TGFBR3: variants seen among roughly 807,000 people sequenced by gnomAD.
TGFBR3 encodes transforming growth factor beta receptor type 3.
A neutral mutation model predicts 87.9 loss-of-function variants in TGFBR3; 46 were observed. The observed-to-expected ratio is 0.52, with a 90% CI of 0.41 to 0.67. The LOEUF (loss-of-function observed/expected upper bound fraction) is 0.67, where lower values mean the gene tolerates loss of function less well. Among genes scored for constraint, TGFBR3 ranks in the 30% least tolerant of loss-of-function variants. The pLI is 0.00. For missense variants in TGFBR3, 866 were observed against 1,041.9 expected, an observed-to-expected ratio of 0.83 and a Z score of 2.32; for synonymous variants, 381 against 391.6, an observed-to-expected ratio of 0.97 and a Z score of 0.32.
At position 91,716,734 on chromosome 1, in the gene TGFBR3, A is replaced by G. The variant is rs183957831; in HGVS notation, c.1567-26T>C. The stretch of plus-strand genomic sequence containing the variant: ...CTAAAAGGCAAAGAAAGCACAGCCA[A>G]TGTTATAAAAACACCAAACCATGTG... On this transcript the variant is annotated intron_variant, in intron 10 of 16. Transcript: ENST00000212355. 596 of 1,614,060 alleles carry G rather than the reference A, an allele frequency of 3.7e-4. No individual in the cohort carries two copies. In the African/African-American group the frequency reaches 7.4e-3, roughly 20 times the overall value.
intron 2 of TGFBR3, among the ~76,000 whole-genome samples, chr1:91,802,708 C>T (rs933302985): frequency 6.6e-6 from 1 of 152,136 alleles, no homozygotes; most frequent in African/African-American, 2.4e-5. Context: ...ACAGCTCCTT[C>T]ACCATCTACT....
At chr1:91,881,832 G>A (rs1033632631) in intron 1 of TGFBR3, among the ~76,000 whole-genome samples, 8 of 152,050 alleles carry the variant, frequency 5.3e-5, no homozygotes, top group Non-Finnish European at 1.0e-4. Flanking sequence ...GAGGTCAGGA[G>A]ATCAAGACCA....
intron 7 of TGFBR3, among the ~76,000 whole-genome samples, chr1:91,723,284 C>T (rs749681845): frequency 1.3e-5 from 2 of 151,684 alleles, no homozygotes; most frequent in East Asian, 1.9e-4. Context: ...GAGTTTGAGA[C>T]GAGCTTGGGT....
intron 2 of TGFBR3, among the ~76,000 whole-genome samples, chr1:91,804,480 T>A (rs1243452647): frequency 6.6e-6 from 1 of 152,104 alleles, no homozygotes; most frequent in Non-Finnish European, 1.5e-5. Flanking sequence ...CTGTCTCCCA[T>A]CCTTCCCCCT....
chr1:91,727,098 G>A (rs1205371777), intron 7 of TGFBR3, among the ~76,000 whole-genome samples: 7 of 152,170 alleles, frequency 4.6e-5, no homozygotes, highest in African/African-American at 9.7e-5. Context: ...CACTGACTTC[G>A]CACTTACTGT....
Position 91,727,685 on chromosome 1 carries a change from C to T in TGFBR3, c.859G>A (p.Asp287Asn), listed in dbSNP as rs1274439895. ...ATAATTTTCAGGCTTCCCTTAACAT[C>T]AAAAGATTTGATCACCCAGTTGACA... The part of the protein sequence containing the change: ...KSVNWVIKSF[D>N]VKGSLKIIAP... The change falls in exon 7 of 17, where the codon GAT becomes AAT. Residue 287 changes from aspartate to asparagine, a missense_variant. Physicochemically the swap from Asp to Asn is conservative, Grantham distance 23. Transcript: ENST00000212355. 1.9e-6 allele frequency: 3 copies of T among 1,614,112 alleles called. No individual in the cohort carries two copies. In the East Asian group the frequency reaches 6.7e-5, roughly 36 times the overall value.
chr1:91,861,676 T>G (rs770374758), intron 1 of TGFBR3, 32 bp from the exon 2 acceptor site: 1 of 697,234 alleles, frequency 1.4e-6, no homozygotes. Context: ...GAAAACTTAA[T>G]GAAGAAACTT....
chr1:91,837,224 A>G (rs1167846906), intron 2 of TGFBR3, among the ~76,000 whole-genome samples: 1 of 69,704 alleles, frequency 1.4e-5, no homozygotes, highest in East Asian at 3.3e-4. Flanking sequence ...TAAGGATATT[A>G]TTTATTTATT....
At chr1:91,812,028 A>C (rs992281784) in intron 2 of TGFBR3, among the ~76,000 whole-genome samples, 5 of 152,100 alleles carry the variant, frequency 3.3e-5, no homozygotes, top group African/African-American at 1.2e-4. Flanking sequence ...TTTCCTCCCA[A>C]GCAAACCTTC....
At chr1:91,708,109 G>A (rs1671855735) in intron 14 of TGFBR3, among the ~76,000 whole-genome samples, 1 of 152,224 alleles carries the variant, frequency 6.6e-6, no homozygotes, top group Non-Finnish European at 1.5e-5. Context: ...TGGAGAAAGA[G>A]GCATGCTTGG....
intron 16 of TGFBR3, among the ~76,000 whole-genome samples, chr1:91,686,611 T>A (rs373830947): frequency 1.2e-5 from 1 of 80,042 alleles, no homozygotes. Flanking sequence ...ACAGATTAAG[T>A]TTTTTCACTG....
intron 3 of TGFBR3, among the ~76,000 whole-genome samples, chr1:91,788,625 C>G (rs1675063313): frequency 6.6e-6 from 1 of 152,208 alleles, no homozygotes; most frequent in Admixed American, 6.5e-5. Context: ...TACTCTCAAA[C>G]AGAATGTCAA....
At chr1:91,792,234 T>C (rs1318252791) in intron 3 of TGFBR3, among the ~76,000 whole-genome samples, 1 of 152,196 alleles carries the variant, frequency 6.6e-6, no homozygotes, top group South Asian at 2.1e-4. Context: ...TCTGTATTTC[T>C]GCTTACACTG....
At chr1:91,730,917 C>A (rs1036577226) in intron 5 of TGFBR3, among the ~76,000 whole-genome samples, 2 of 152,214 alleles carry the variant, frequency 1.3e-5, no homozygotes, top group Admixed American at 6.5e-5. Context: ...CACCTCCACC[C>A]GGGAAAGTGA....
At chr1:91,786,364 C>T (rs1340043582) in intron 3 of TGFBR3, 1 of 396,292 alleles carries the variant, frequency 2.5e-6, no homozygotes, top group Admixed American at 3.2e-5. Flanking sequence ...GTTAAGGAGG[C>T]TCCAGGGTAA....
rs1553178236 is a variant in TGFBR3, at chr1:91,902,298, T to TGA, written c.-174-2603_-174-2602dup. Among the ~76,000 whole-genome samples, 178 of 151,456 alleles carry TGA rather than the reference T, an allele frequency of 1.2e-3. 1 individual carries two copies. The highest frequency in any genetic ancestry group is 3.4e-3 in the Middle Eastern group (1 of 294). ...GTGTGTGTGTGTGTGTGTGTGTGTG[T>TGA]GACAGGGTCTCACTCTGTCACTCAG... is the stretch of plus-strand genomic sequence containing the variant. On this transcript the variant is annotated intron_variant, in intron 1 of 17. Coordinates refer to the TGFBR3 transcript ENST00000370399.
chr1:91,719,184 A>T, intron 10 of TGFBR3, 128 bp downstream of exon 10: 1 of 1,248,610 alleles, frequency 8.0e-7, no homozygotes, highest in Non-Finnish European at 1.2e-6. Context: ...TTGAGAACTG[A>T]CACTTGGCTT....
At position 91,729,859 on chromosome 1, in the gene TGFBR3, T is replaced by C; in HGVS notation, c.683A>G (p.Gln228Arg). The part of the protein sequence containing the change: ...AEGCVMSSQP[Q>R]NEEVHIIELI... ...CTCGATGATGTGTACTTCCTCATTC[T>C]GGGGCTGGCTGGACATCACACACCC... The change falls in exon 6 of 17, where the codon CAG (glutamine) becomes CGG (arginine). Residue 228 changes from glutamine (Q) to arginine (R), a missense_variant. Coordinates refer to ENST00000212355, the MANE Select transcript of TGFBR3 (RefSeq NM_003243.5). 4 of 1,614,220 alleles carry C rather than the reference T, an allele frequency of 2.5e-6. No individual in the cohort carries two copies. The highest frequency in any genetic ancestry group is 3.4e-6 in the Non-Finnish European group (4 of 1,180,030).
Position 91,683,179 on chromosome 1 carries a change from C to T in TGFBR3, c.*560G>A, listed in dbSNP as rs772550023. On this transcript the variant is annotated 3_prime_UTR_variant, in exon 17 of 17. Transcript: ENST00000212355. Reference sequence around the variant, plus strand: ...GGGCAGCACCCATCAAGGGACACATCAGACCCCACAGGTTGTGGCAGCAAG... The same window carrying T: ...GGGCAGCACCCATCAAGGGACACATTAGACCCCACAGGTTGTGGCAGCAAG... 3.3e-5 allele frequency: 15 copies of T among 454,452 alleles called. No individual in the cohort carries two copies. Among genetic ancestry groups the T allele is most frequent in the Non-Finnish European group, 6.6e-5 (15 of 226,814 alleles). 28.2% of individuals were successfully genotyped at this position (454,452 alleles called of 1,614,324 possible).
Sources: gnomAD v4.1 joint callset for allele counts (sites outside exome capture counted in the v4.1 genomes callset) on GRCh38, gnomAD v4.1.1 for gene constraint, MANE v1.5 for transcripts, NCBI Gene and HGNC (gene_info 2026-07-23, HGNC 2026-07-21) for gene names.